RFTN1: variants seen among roughly 807,000 people sequenced by gnomAD.
The protein encoded by RFTN1 is raftlin.
In RFTN1, 26 loss-of-function variants were observed where a neutral mutation model predicts 46.5. The observed-to-expected ratio is 0.56, with a 90% CI of 0.41 to 0.78. RFTN1 has a LOEUF of 0.78. Among genes scored for constraint, RFTN1 ranks in the 30% least tolerant of loss-of-function variants. RFTN1 has a pLI of 0.00. For missense variants in RFTN1, 693 were observed against 718.7 expected, an observed-to-expected ratio of 0.96 and a Z score of 0.41; for synonymous variants, 261 against 284.2, an observed-to-expected ratio of 0.92 and a Z score of 0.82.
At position 16,448,770 on chromosome 3, in the gene RFTN1, CCT is replaced by C. The variant is rs1288753835; in HGVS notation, c.146-14735_146-14734del. Among the ~76,000 whole-genome samples the C allele has an allele frequency of 7.9e-5, 12 of 152,216 alleles. No individual in the cohort carries two copies. The highest frequency in any genetic ancestry group is 2.9e-5 in the Non-Finnish European group (2 of 68,044). ...TGCCCCATTGGCAGGCCCCAAACATCCTCCTGAGTCACAAGTCTCACCCCATG... is the reference window on the plus strand; with the variant it reads ...TGCCCCATTGGCAGGCCCCAAACATCCCTGAGTCACAAGTCTCACCCCATG... On this transcript the variant is annotated intron_variant, in intron 2 of 9. Transcript: ENST00000334133. This position sits in a 1 kb window ranked among gnomAD's most constrained non-coding sequence, Gnocchi z 4.1.
At chr3:16,438,171 T>A (rs925063144) in intron 2 of RFTN1, among the ~76,000 whole-genome samples, 1 of 152,188 alleles carries the variant, frequency 6.6e-6, no homozygotes, top group African/African-American at 2.4e-5. Flanking sequence ...TGATTCAAAT[T>A]TTTCAAACTC....
Position 16,345,788 on chromosome 3 carries a change from C to CTGTCTGTGTGTGTG in RFTN1, c.1146+12143_1146+12144insCACACACACAGACA, listed in dbSNP as rs765619275. On this transcript the variant is annotated intron_variant, in intron 7 of 9. Coordinates refer to ENST00000334133, the MANE Select transcript of RFTN1 (RefSeq NM_015150.2). This position sits in a 1 kb window ranked among gnomAD's most constrained non-coding sequence, Gnocchi z 5.2. ...TGAGCCAAAACCTTATAATAAATCT[C>CTGTCTGTGTGTGTG]TGTGTGTGTGTGTGTGTGTGTGTGT... Among the ~76,000 whole-genome samples the CTGTCTGTGTGTGTG allele has an allele frequency of 1.2e-3, 151 of 127,152 alleles. No individual in the cohort carries two copies. The highest frequency in any genetic ancestry group is 2.0e-3 in the Admixed American group (26 of 12,898). The allele number at this position is 127,152 out of a possible 152,430, so 83.4% of individuals were successfully genotyped here.
Position 16,506,311 on chromosome 3 carries a change from A to C in RFTN1, c.-9+7131T>G, listed in dbSNP as rs2076805285. Among the ~76,000 whole-genome samples the C allele has an allele frequency of 6.6e-6, 1 of 152,102 alleles. No homozygotes were observed. Among genetic ancestry groups the C allele is most frequent in the Non-Finnish European group, 1.5e-5 (1 of 68,014 alleles). ...GGAGGCTGAGCAGACCTCAGGGTGA[A>C]GTCAAACAGGGCTGGGGAGACAGAG... On this transcript the variant is annotated intron_variant, in intron 1 of 9. Coordinates refer to ENST00000334133, the MANE Select transcript of RFTN1 (RefSeq NM_015150.2). This position sits in a 1 kb window ranked among gnomAD's most constrained non-coding sequence, Gnocchi z 4.8.
chr3:16,341,766 G>A lies in RFTN1; in HGVS notation c.1147-14890C>T, dbSNP rs1342794281. Among the ~76,000 whole-genome samples, 2 of 152,102 alleles carry A rather than the reference G, an allele frequency of 1.3e-5. No individual in the cohort carries two copies. Among genetic ancestry groups the A allele is most frequent in the East Asian group, 3.8e-4 (2 of 5,204 alleles). Reference sequence around the variant, plus strand: ...TTTTTCATAGATTGAAGTACTCTATGGCCATTACAAATAATGAAGTAAAAG... The same window carrying A: ...TTTTTCATAGATTGAAGTACTCTATAGCCATTACAAATAATGAAGTAAAAG... On this transcript the variant is annotated intron_variant, in intron 7 of 9. Coordinates refer to ENST00000334133, the MANE Select transcript of RFTN1 (RefSeq NM_015150.2). This position sits in a 1 kb window ranked among gnomAD's most constrained non-coding sequence, Gnocchi z 4.7.
chr3:16,361,620 C>T lies in RFTN1; in HGVS notation c.1031-3573G>A, dbSNP rs190849361. Among the ~76,000 whole-genome samples the T allele has an allele frequency of 3.5e-4, 54 of 152,166 alleles. No individual in the cohort carries two copies. The East Asian group carries it at 7.7e-3, about 22-fold the overall frequency. On this transcript the variant is annotated intron_variant, in intron 6 of 9. Transcript: ENST00000334133. The surrounding 1 kb of genome is among the most constrained non-coding windows in gnomAD (Gnocchi z 4.3). ...CAGCCAGCCTGACATGCAGAGTGAA[C>T]GAAGGACAGCCAAGGACCAGGTGAG...
rs1014246312 is a variant in RFTN1, at chr3:16,480,045, C to A, written c.145+13680G>T. ...GACGCTGTTTCCTACATTGAGAGAC[C>A]TTACTATCTTGTTCACCATTGCATG... On this transcript the variant is annotated intron_variant, in intron 2 of 9. Coordinates refer to ENST00000334133, the MANE Select transcript of RFTN1 (RefSeq NM_015150.2). This position sits in a 1 kb window ranked among gnomAD's most constrained non-coding sequence, Gnocchi z 4.3. 6.6e-6 allele frequency among the ~76,000 whole-genome samples: 1 copy of A among 152,170 alleles called. No individual in the cohort carries two copies. The highest frequency in any genetic ancestry group is 1.5e-5 in the Non-Finnish European group (1 of 68,020).
In RFTN1 at chr3:16,348,924, C is replaced by T. The variant is rs958815698; in HGVS notation, c.1146+9008G>A. Among the ~76,000 whole-genome samples, 15 of 152,148 alleles carry T rather than the reference C, an allele frequency of 9.9e-5. No homozygotes were observed. Among genetic ancestry groups the T allele is most frequent in the African/African-American group, 3.6e-4 (15 of 41,418 alleles). On this transcript the variant is annotated intron_variant, in intron 7 of 9. Transcript: ENST00000334133. This position sits in a 1 kb window ranked among gnomAD's most constrained non-coding sequence, Gnocchi z 6.3. ...AGAACACCCGAGCAAGTGGCTGCTGCCAAGGAGGAGGCAGAGGGAAAATTC... is the reference window on the plus strand; with the variant it reads ...AGAACACCCGAGCAAGTGGCTGCTGTCAAGGAGGAGGCAGAGGGAAAATTC...
chr3:16,395,531 G>C (rs1430489086), intron 4 of RFTN1, among the ~76,000 whole-genome samples: 1 of 151,514 alleles, frequency 6.6e-6, no homozygotes, highest in Non-Finnish European at 1.5e-5. Context: ...CTGTAACTTC[G>C]AACTCCTGGA....
In RFTN1 at chr3:16,443,258, T is replaced by C. The variant is rs2075666081; in HGVS notation, c.146-9221A>G. Among the ~76,000 whole-genome samples, 2 of 152,236 alleles carry C rather than the reference T, an allele frequency of 1.3e-5. No homozygotes were observed. The highest frequency in any genetic ancestry group is 1.3e-4 in the Admixed American group (2 of 15,286). ...TTCTTATCTCTTGTATTTTTGATAGTAGCCATTCTAACAGGTGTGAGCTGA... is the reference window on the plus strand; with the variant it reads ...TTCTTATCTCTTGTATTTTTGATAGCAGCCATTCTAACAGGTGTGAGCTGA... On this transcript the variant is annotated intron_variant, in intron 2 of 9. Coordinates refer to ENST00000334133, the MANE Select transcript of RFTN1 (RefSeq NM_015150.2). The surrounding 1 kb of genome is among the most constrained non-coding windows in gnomAD (Gnocchi z 5.5).
At chr3:16,397,524 A>T (rs570171390) in intron 4 of RFTN1, among the ~76,000 whole-genome samples, 1 of 152,364 alleles carries the variant, frequency 6.6e-6, no homozygotes, top group Non-Finnish European at 1.5e-5. Flanking sequence ...TGCAAGATAT[A>T]TTAATTTGCT....
intron 2 of RFTN1, among the ~76,000 whole-genome samples, chr3:16,490,350 G>A (rs1405238695): frequency 6.6e-6 from 1 of 152,174 alleles, no homozygotes; most frequent in African/African-American, 2.4e-5. Context: ...AAGAGGTAGG[G>A]GCCTGTGCAG....
rs1025640047 is a variant in RFTN1 at position 16,383,431 on chromosome 3, T to C, written c.442-5329A>G. 2.0e-5 allele frequency among the ~76,000 whole-genome samples: 3 copies of C among 152,218 alleles called. No homozygotes were observed. Among genetic ancestry groups the C allele is most frequent in the Non-Finnish European group, 1.5e-5 (1 of 68,048 alleles). Reference sequence around the variant, plus strand: ...TATAATAAGTAAGGACATGCTCCACTGTAACTATAATCAGGAATCATGATG... The same window carrying C: ...TATAATAAGTAAGGACATGCTCCACCGTAACTATAATCAGGAATCATGATG... On this transcript the variant is annotated intron_variant, in intron 4 of 9. Coordinates refer to ENST00000334133, the MANE Select transcript of RFTN1 (RefSeq NM_015150.2). The surrounding 1 kb of genome is among the most constrained non-coding windows in gnomAD (Gnocchi z 4.0).
intron 2 of RFTN1, among the ~76,000 whole-genome samples, chr3:16,491,692 G>A (rs961328172): frequency 4.0e-5 from 6 of 151,410 alleles, no homozygotes; most frequent in Non-Finnish European, 5.9e-5. Flanking sequence ...GTTTGTGAAG[G>A]TTCTTAGGAG....
chr3:16,393,881 G>C (rs531950907), intron 4 of RFTN1, among the ~76,000 whole-genome samples: 3 of 151,868 alleles, frequency 2.0e-5, no homozygotes, highest in Non-Finnish European at 4.4e-5. Context: ...GGATCATCTC[G>C]ATCTCCTGAC....
At chr3:16,406,880 A>G (rs984709076) in intron 4 of RFTN1, among the ~76,000 whole-genome samples, 3 of 152,220 alleles carry the variant, frequency 2.0e-5, no homozygotes, top group Admixed American at 2.0e-4. Context: ...TTCATAAATT[A>G]TCTAATGAAT....
At chr3:16,445,493 A>T (rs1484342562) in intron 2 of RFTN1, among the ~76,000 whole-genome samples, 76 of 148,038 alleles carry the variant, frequency 5.1e-4, no homozygotes, top group African/African-American at 1.7e-3. Context: ...TCACACACAC[A>T]CACACACACA....
chr3:16,485,172 CT>C lies in RFTN1; in HGVS notation c.145+8552del, dbSNP rs917582006. The stretch of plus-strand genomic sequence containing the variant: ...AAAACACTTGTTCGTGGATATTCAG[CT>C]TTTTTTTTTCATAATAGCCCCAAAC... On this transcript the variant is annotated intron_variant, in intron 2 of 9. Coordinates refer to ENST00000334133, the MANE Select transcript of RFTN1 (RefSeq NM_015150.2). Among the ~76,000 whole-genome samples, 47 of 149,610 alleles carry C rather than the reference CT, an allele frequency of 3.1e-4. 2 individuals carry two copies. Among genetic ancestry groups the C allele is most frequent in the Admixed American group, 2.2e-3 (33 of 15,016 alleles).
chr3:16,355,714 G>C (rs2072391225), intron 7 of RFTN1, among the ~76,000 whole-genome samples: 1 of 152,218 alleles, frequency 6.6e-6, no homozygotes, highest in South Asian at 2.1e-4. Context: ...CAGACTGCCA[G>C]GCCCCACCCC....
At chr3:16,508,550 T>C (rs1317380882) in intron 1 of RFTN1, among the ~76,000 whole-genome samples, 2 of 152,248 alleles carry the variant, frequency 1.3e-5, no homozygotes, top group South Asian at 4.1e-4. Context: ...GGCTATCGCT[T>C]GCCTGCTGTA....
Sources: gnomAD v4.1 joint callset for allele counts (sites outside exome capture counted in the v4.1 genomes callset) on GRCh38, gnomAD v4.1.1 for gene constraint, Gnocchi (gnomAD v3.1) non-coding constraint, MANE v1.5 for transcripts, NCBI Gene and HGNC (gene_info 2026-07-23, HGNC 2026-07-21) for gene names.